The following SGIP1 variants were observed in gnomAD, a reference collection of about 807,000 sequenced individuals.
SGIP1 encodes SH3-containing GRB2-like protein 3-interacting protein 1.
SGIP1 carries 38 observed loss-of-function variants against 107.5 expected under a neutral mutation model. The observed-to-expected ratio is 0.35, with a 90% CI of 0.27 to 0.46. The LOEUF is 0.46. Among genes scored for constraint, SGIP1 ranks in the 20% least tolerant of loss-of-function variants. SGIP1 has a pLI of 1.00. For synonymous variants in SGIP1, 365 were observed against 366.1 expected, an observed-to-expected ratio of 1.00 and a Z score of 0.03; for missense variants, 929 against 1,019.5, an observed-to-expected ratio of 0.91 and a Z score of 1.21.
intron 1 of SGIP1, among the ~76,000 whole-genome samples, chr1:66,555,450 A>G (rs936354481): frequency 6.6e-6 from 1 of 152,148 alleles, no homozygotes; most frequent in Non-Finnish European, 1.5e-5. Context: ...GCCCAAGTAC[A>G]GAAAAGAGCC....
At chr1:66,617,409 A>C (rs573101606) in intron 1 of SGIP1, among the ~76,000 whole-genome samples, 1 of 152,360 alleles carries the variant, frequency 6.6e-6, no homozygotes, top group East Asian at 1.9e-4. Flanking sequence ...GAATTGGATT[A>C]CAGTGACTAT....
Position 66,741,420 on chromosome 1 carries a change from GA to G in SGIP1, c.2452del (p.Arg818GlyfsTer38). The G allele has an allele frequency of 1.3e-6, 2 of 1,581,328 alleles. No individual in the cohort carries two copies. The highest frequency in any genetic ancestry group is 1.7e-6 in the Non-Finnish European group (2 of 1,165,990). ...CAGGGTATCGATTTTCACTCATCAA[GA>G]AAAGGTTTGCTGCAGGTAAATGAGT... ...GAGYRFSLIK[K>X]RFAAGKYLAD... On this transcript the variant is annotated frameshift_variant, in exon 24 of 25. Transcript: ENST00000371037. LOFTEE classifies it high-confidence loss of function.
chr1:66,649,032 T>A (rs1319569043), intron 7 of SGIP1, among the ~76,000 whole-genome samples: 5 of 152,178 alleles, frequency 3.3e-5, no homozygotes, highest in Non-Finnish European at 5.9e-5. Flanking sequence ...TAGATTCTTT[T>A]AAAAAAACCA....
At position 66,745,037 on chromosome 1, in the gene SGIP1, T is replaced by TA. The variant is rs1418791732; in HGVS notation, c.*1948dup. 2.0e-5 allele frequency: 3 copies of TA among 152,496 alleles called. No homozygotes were observed. Among genetic ancestry groups the TA allele is most frequent in the African/African-American group, 7.2e-5 (3 of 41,442 alleles). The allele number at this position is 152,496 out of a possible 1,614,324, so 9.4% of individuals were successfully genotyped here. On this transcript the variant is annotated 3_prime_UTR_variant, in exon 25 of 25. Coordinates refer to ENST00000371037, the MANE Select transcript of SGIP1 (RefSeq NM_032291.4). ...TGTGTTTTTAAGTAATCAATTCATT[T>TA]AAAAAATTGAATATTAATACAAAGC...
intron 1 of SGIP1, among the ~76,000 whole-genome samples, chr1:66,550,454 A>G (rs2057237968): frequency 6.6e-6 from 1 of 152,082 alleles, no homozygotes; most frequent in Admixed American, 6.6e-5. Context: ...CCAAAACATA[A>G]CTGCCCCAGA....
chr1:66,606,823 T>A (rs1157502648), intron 1 of SGIP1, among the ~76,000 whole-genome samples: 1 of 152,204 alleles, frequency 6.6e-6, no homozygotes, highest in Non-Finnish European at 1.5e-5. Flanking sequence ...TGTGGATACA[T>A]TTAGGCAGCC....
At chr1:66,692,171 A>AC (rs2090007350) in intron 17 of SGIP1, among the ~76,000 whole-genome samples, 2 of 151,516 alleles carry the variant, frequency 1.3e-5, no homozygotes, top group African/African-American at 4.9e-5. Context: ...AAAAAAAAAA[A>AC]AAAGAGAGAG....
chr1:66,677,427 G>A (rs1277134296), intron 13 of SGIP1, among the ~76,000 whole-genome samples: 1 of 152,146 alleles, frequency 6.6e-6, no homozygotes, highest in East Asian at 1.9e-4. Context: ...CCAGGCATTA[G>A]GCTATCATAT....
intron 12 of SGIP1, among the ~76,000 whole-genome samples, 166 bp downstream of exon 12, chr1:66,673,532 A>C (rs1557567884): frequency 6.6e-6 from 1 of 152,232 alleles, no homozygotes; most frequent in Non-Finnish European, 1.5e-5. Context: ...GTTTAGTTTG[A>C]AAATCTCTAT....
At chr1:66,635,879 A>G in intron 3 of SGIP1, 65 bp from the exon 4 acceptor site, 1 of 1,502,990 alleles carries the variant, frequency 6.7e-7, no homozygotes, top group African/African-American at 1.4e-5. Flanking sequence ...AATTCTTTAT[A>G]TGTGTCTTGA....
chr1:66,739,570 C>T, intron 22 of SGIP1, 33 bp downstream of exon 22: 1 of 1,606,822 alleles, frequency 6.2e-7, no homozygotes, highest in Non-Finnish European at 8.5e-7. Context: ...CACCAAAGGG[C>T]TCCTCTGGGT....
At chr1:66,716,145 T>C (rs1397421653) in intron 18 of SGIP1, among the ~76,000 whole-genome samples, 1 of 152,120 alleles carries the variant, frequency 6.6e-6, no homozygotes, top group Non-Finnish European at 1.5e-5. Context: ...CACTACCATG[T>C]GCCATTTCTG....
At chr1:66,592,496 T>G (rs2063810189) in intron 1 of SGIP1, among the ~76,000 whole-genome samples, 2 of 152,242 alleles carry the variant, frequency 1.3e-5, no homozygotes, top group African/African-American at 4.8e-5. Context: ...GAGTTTCTTA[T>G]GTCTACTTCT....
At chr1:66,616,302 A>G (rs1401477811) in intron 1 of SGIP1, among the ~76,000 whole-genome samples, 1 of 152,180 alleles carries the variant, frequency 6.6e-6, no homozygotes, top group African/African-American at 2.4e-5. Context: ...CTAAAGGAAT[A>G]GAGTTATGAG....
intron 16 of SGIP1, among the ~76,000 whole-genome samples, chr1:66,689,510 A>G (rs950984480): frequency 6.6e-6 from 1 of 152,224 alleles, no homozygotes; most frequent in Middle Eastern, 3.2e-3. Flanking sequence ...TACCTCTGCT[A>G]CAGTGGGTTA....
intron 24 of SGIP1, 103 bp downstream of exon 24, chr1:66,741,539 T>G: frequency 1.7e-6 from 2 of 1,205,112 alleles, no homozygotes; most frequent in South Asian, 3.9e-5. Flanking sequence ...TCCACCTCTT[T>G]CCCACTCCCA....
chr1:66,663,030 C>T (rs545674552), intron 8 of SGIP1, among the ~76,000 whole-genome samples: 3 of 152,052 alleles, frequency 2.0e-5, no homozygotes, highest in East Asian at 1.9e-4. Context: ...CAGTTAAAAA[C>T]GATTTTAGCC....
intron 1 of SGIP1, among the ~76,000 whole-genome samples, chr1:66,614,500 A>C (rs2068731091): frequency 6.6e-6 from 1 of 152,228 alleles, no homozygotes; most frequent in African/African-American, 2.4e-5. Context: ...GGCCTCTCCA[A>C]AGAATTTAGA....
At chr1:66,548,013 G>A (rs1282204018) in intron 1 of SGIP1, among the ~76,000 whole-genome samples, 1 of 152,084 alleles carries the variant, frequency 6.6e-6, no homozygotes, top group Non-Finnish European at 1.5e-5. Flanking sequence ...AGACCAGTGA[G>A]GAAGGGAACA....
Sources: gnomAD v4.1 joint callset for allele counts (sites outside exome capture counted in the v4.1 genomes callset) on GRCh38, gnomAD v4.1.1 for gene constraint, MANE v1.5 for transcripts, NCBI Gene and HGNC (gene_info 2026-07-23, HGNC 2026-07-21) for gene names.